Variants in SHROOM2 observed in about 807,000 individuals in gnomAD.
The protein encoded by SHROOM2 is shroom family member 2, also known as protein Shroom2.
SHROOM2 carries 33 observed loss-of-function variants against 75.9 expected under a neutral mutation model. The observed-to-expected ratio is 0.43, with a 90% CI of 0.33 to 0.58. The LOEUF (loss-of-function observed/expected upper bound fraction) is 0.58, where lower values mean the gene tolerates loss of function less well. Among genes scored for constraint, SHROOM2 ranks in the 20% least tolerant of loss-of-function variants. SHROOM2 has a pLI of 0.04. For missense variants in SHROOM2, 1,434 were observed against 1,461.2 expected, an observed-to-expected ratio of 0.98 and a Z score of 0.30; for synonymous variants, 655 against 663.6, an observed-to-expected ratio of 0.99 and a Z score of 0.20.
In SHROOM2 at chrX:9,932,318, C is replaced by A. The variant is rs200564339; in HGVS notation, c.3035C>A (p.Ala1012Glu). Residue 1012 changes from alanine (A) to glutamate (E), a missense_variant, in exon 6 of 10, where the codon GCG becomes GAG. Transcript: ENST00000380913. Reference sequence around the variant, plus strand: ...CTGCCCCGGGAGGGCCGGGGCCGAGCGGGAACCCTACCTCGAGATTATAGA... The same window carrying A: ...CTGCCCCGGGAGGGCCGGGGCCGAGAGGGAACCCTACCTCGAGATTATAGA... ...PELPREGRGR[A>E]GTLPRDYRYS... is the part of the protein sequence containing the mutation. The A allele has an allele frequency of 6.6e-6, 8 of 1,206,115 alleles. No individual in the cohort carries two copies. In the East Asian group the frequency reaches 2.4e-4, roughly 36 times the overall value.
At chrX:9,920,694 C>A (rs2084537341) in intron 5 of SHROOM2, among the ~76,000 whole-genome samples, 1 of 111,932 alleles carries the variant, frequency 8.9e-6, no homozygotes, top group African/African-American at 3.2e-5. Context: ...TGTTGGGAAT[C>A]TTGGCATGAA....
chrX:9,814,704 G>C (rs909942963), intron 1 of SHROOM2, among the ~76,000 whole-genome samples: 2 of 111,478 alleles, frequency 1.8e-5, no homozygotes, highest in Non-Finnish European at 3.8e-5. Flanking sequence ...CCATTACAGG[G>C]GATGGGGAAG....
chrX:9,828,227 T>C (rs1430064757), intron 1 of SHROOM2, among the ~76,000 whole-genome samples: 2 of 112,026 alleles, frequency 1.8e-5, no homozygotes, highest in East Asian at 5.7e-4. Context: ...AAGAACTGCA[T>C]GGCGGGGGAA....
intron 5 of SHROOM2, among the ~76,000 whole-genome samples, chrX:9,905,065 G>C (rs1409209313): frequency 8.9e-6 from 1 of 111,988 alleles, no homozygotes; most frequent in Non-Finnish European, 1.9e-5. Flanking sequence ...ATGTTGCTCA[G>C]GGTGGCCTCA....
chrX:9,821,343 G>A (rs145431053), intron 1 of SHROOM2, among the ~76,000 whole-genome samples: 219 of 111,977 alleles, frequency 2.0e-3, no homozygotes, highest in Admixed American at 4.8e-3. Flanking sequence ...TTCTAAAGCA[G>A]CACTTCTCTG....
chrX:9,855,025 A>T (rs908041180), intron 1 of SHROOM2, among the ~76,000 whole-genome samples: 1 of 108,846 alleles, frequency 9.2e-6, no homozygotes, highest in African/African-American at 3.4e-5. Context: ...GCTGTTTTAA[A>T]CTTTGTTACT....
chrX:9,851,446 C>CTTTTTT lies in SHROOM2; in HGVS notation c.166-22199_166-22194dup, dbSNP rs746715538. ...TAACAATGTTTCAACCAGGATATTG[C>CTTTTTT]TTTTTTTTTTTTCTTTTTTTTTTGG... On this transcript the variant is annotated intron_variant, in intron 1 of 9. Transcript: ENST00000380913. Among the ~76,000 whole-genome samples, 25 of 63,173 alleles carry CTTTTTT rather than the reference C, an allele frequency of 4.0e-4. 3 individuals carry two copies. Among genetic ancestry groups the CTTTTTT allele is most frequent in the Non-Finnish European group, 4.7e-4 (17 of 36,213 alleles). The allele number at this position is 63,173 out of a possible 115,157, so 54.9% of individuals were successfully genotyped here.
At chrX:9,786,775 G>T (rs1756549188) in intron 1 of SHROOM2, 65 bp downstream of exon 1, 7 of 798,525 alleles carry the variant, frequency 8.8e-6, no homozygotes, top group Non-Finnish European at 9.2e-6. Flanking sequence ...GGCGCGTCGA[G>T]GTAGGGGCGC....
intron 8 of SHROOM2, among the ~76,000 whole-genome samples, chrX:9,941,828 A>G (rs5934721): frequency 0.05 from 5,348 of 107,592 alleles, 185 homozygotes; most frequent in Middle Eastern, 0.094. Context: ...AAAATTAGCC[A>G]GGCGTGGTGG....
Position 9,799,385 on chromosome X carries a change from C to G in SHROOM2, c.165+12675C>G, listed in dbSNP as rs1461370124. Among the ~76,000 whole-genome samples, 5 of 109,655 alleles carry G rather than the reference C, an allele frequency of 4.6e-5. No homozygotes were observed. In the South Asian group the frequency reaches 1.2e-3, roughly 26 times the overall value. On this transcript the variant is annotated intron_variant, in intron 1 of 9. Transcript: ENST00000380913. ...TTCGCCATGTTGGCCAGGCTGGTCT[C>G]GAACTCCTGACCTCAGGTGATCTGC...
At chrX:9,891,797 TTTGC>T (rs1421750067) in intron 3 of SHROOM2, among the ~76,000 whole-genome samples, 1 of 111,103 alleles carries the variant, frequency 9.0e-6, no homozygotes, top group African/African-American at 3.3e-5. Context: ...TGTGCATCTC[TTTGC>T]TTGTATGTGC....
At chrX:9,929,416 G>A (rs1461590986) in intron 5 of SHROOM2, among the ~76,000 whole-genome samples, 3 of 111,538 alleles carry the variant, frequency 2.7e-5, no homozygotes, top group Admixed American at 9.5e-5. Context: ...ACTCCCCTGA[G>A]AACAGAGCAC....
Position 9,786,633 on chromosome X carries a change from C to A in SHROOM2, c.88C>A (p.Gln30Lys). 1 of 883,976 alleles carries A rather than the reference C, an allele frequency of 1.1e-6. No individual in the cohort carries two copies. The highest frequency in any genetic ancestry group is 1.4e-6 in the Non-Finnish European group (1 of 721,607). The allele number at this position is 883,976 out of a possible 1,213,427, so 72.8% of individuals were successfully genotyped here. A position where few individuals can be genotyped will look rare whatever the true frequency, so the allele number is the denominator to read the frequency against. Reference protein sequence around the residue: ...AADGGRLVEVQLSGGAPWGFT... With the variant: ...AADGGRLVEVKLSGGAPWGFT... The stretch of plus-strand genomic sequence containing the variant: ...GGACGGCGGGCGCCTGGTGGAGGTG[C>A]AGCTGAGCGGCGGCGCCCCGTGGGG... The change falls in exon 1 of 10, where the codon CAG (glutamine) becomes AAG (lysine). Residue 30 changes from glutamine to lysine, a missense_variant. Transcript: ENST00000380913.
At chrX:9,923,761 T>C (rs1006225601) in intron 5 of SHROOM2, among the ~76,000 whole-genome samples, 1 of 112,475 alleles carries the variant, frequency 8.9e-6, no homozygotes, top group Non-Finnish European at 1.9e-5. Flanking sequence ...TCTCACATTA[T>C]CATCTCCAAA....
At chrX:9,885,176 A>T (rs1305023560) in intron 2 of SHROOM2, among the ~76,000 whole-genome samples, 2 of 112,265 alleles carry the variant, frequency 1.8e-5, no homozygotes, top group East Asian at 5.5e-4. Context: ...ATACACAGAA[A>T]CATGTCTGTC....
At chrX:9,823,081 CCCTTCTCCTCCTCCTTCTCCCTTCT>C (rs2083865857) in intron 1 of SHROOM2, among the ~76,000 whole-genome samples, 1 of 73,903 alleles carries the variant, frequency 1.4e-5, no homozygotes, top group African/African-American at 5.5e-5. Flanking sequence ...CCTCCCTTCT[CCCTTCTCCTCCTCCTTCTCCCTTCT>C]CCTTCTCCTT....
At chrX:9,914,246 C>G (rs2084464667) in intron 5 of SHROOM2, among the ~76,000 whole-genome samples, 2 of 108,967 alleles carry the variant, frequency 1.8e-5, no homozygotes, top group African/African-American at 3.4e-5. Flanking sequence ...GCGGAAGGCT[C>G]TATTGCCCAG....
At chrX:9,889,807 A>G (rs997238500) in intron 2 of SHROOM2, among the ~76,000 whole-genome samples, 3 of 111,597 alleles carry the variant, frequency 2.7e-5, no homozygotes, top group Non-Finnish European at 5.6e-5. Context: ...AGTTAACCAG[A>G]AGGTGGCTGT....
chrX:9,885,271 G>T (rs2084254626), intron 2 of SHROOM2, among the ~76,000 whole-genome samples: 1 of 110,166 alleles, frequency 9.1e-6, no homozygotes, highest in Non-Finnish European at 1.9e-5. Flanking sequence ...AAACACCACA[G>T]CCTTCAGTCT....
Sources: gnomAD v4.1 joint callset for allele counts (sites outside exome capture counted in the v4.1 genomes callset) on GRCh38, gnomAD v4.1.1 for gene constraint, MANE v1.5 for transcripts, NCBI Gene and HGNC (gene_info 2026-07-23, HGNC 2026-07-21) for gene names.